DRAM1: variants seen among roughly 807,000 people sequenced by gnomAD.
The protein encoded by DRAM1 is DNA damage-regulated autophagy modulator protein 1.
In DRAM1, 25 loss-of-function variants were observed where a neutral mutation model predicts 28.5. The ratio of observed to expected loss-of-function variants is 0.88; its 90% CI spans 0.64 to 1.23. The LOEUF is 1.23. Among genes scored for constraint, DRAM1 ranks in the 50% most tolerant of loss-of-function variants. DRAM1 has a pLI of 0.00. For synonymous variants in DRAM1, 113 were observed against 114.2 expected, an observed-to-expected ratio of 0.99 and a Z score of 0.07; for missense variants, 249 against 299.2, an observed-to-expected ratio of 0.83 and a Z score of 1.24.
intron 2 of DRAM1, among the ~76,000 whole-genome samples, chr12:101,900,364 T>G (rs898789561): frequency 1.3e-5 from 2 of 152,142 alleles, no homozygotes; most frequent in Non-Finnish European, 2.9e-5. Flanking sequence ...AAATTAAAAC[T>G]TTCAAATGAT....
rs577185619 is a variant in DRAM1 at position 101,909,176 on chromosome 12, G to A, written c.520+813G>A. ...CTTGGGAGGCTGAGGCAGGAGAATC[G>A]CTTGAACCCGGGAGATGGAGGTTGC... On this transcript the variant is annotated intron_variant, in intron 4 of 6. Transcript: ENST00000258534. Among the ~76,000 whole-genome samples the A allele has an allele frequency of 5.3e-5, 8 of 151,980 alleles. No individual in the cohort carries two copies. In the East Asian group the frequency reaches 7.8e-4, roughly 15 times the overall value.
At chr12:101,904,382 C>T (rs1393327125) in intron 3 of DRAM1, among the ~76,000 whole-genome samples, 1 of 83,310 alleles carries the variant, frequency 1.2e-5, no homozygotes, top group Non-Finnish European at 2.0e-5. Flanking sequence ...TCAGTATTCA[C>T]ATATTCTTTT....
intron 1 of DRAM1, among the ~76,000 whole-genome samples, chr12:101,878,888 GT>G (rs1258098097): frequency 6.6e-6 from 1 of 151,492 alleles, no homozygotes; most frequent in East Asian, 1.9e-4. Context: ...AATGTTCTGT[GT>G]TTTTTTGTTT....
intron 4 of DRAM1, 93 bp downstream of exon 4, chr12:101,908,456 G>A (rs1343659854): frequency 7.7e-7 from 1 of 1,306,912 alleles, no homozygotes; most frequent in Non-Finnish European, 1.1e-6. Flanking sequence ...AGGGACCGCT[G>A]CAATGAGTTC....
intron 5 of DRAM1, among the ~76,000 whole-genome samples, chr12:101,917,025 A>G (rs1874270715): frequency 6.6e-6 from 1 of 152,274 alleles, no homozygotes; most frequent in African/African-American, 2.4e-5. Context: ...GACATTTTTC[A>G]AAGGCAAGGG....
At chr12:101,895,192 T>TTTTTTTTTGTTTTTTTTTTTG (rs1873307298) in intron 1 of DRAM1, among the ~76,000 whole-genome samples, 2 of 124,080 alleles carry the variant, frequency 1.6e-5, no homozygotes, top group Non-Finnish European at 3.3e-5. Context: ...TCAGGTTTTT[T>TTTTTTTTTGTTTTTTTTTTTG]TTTTTTTTTT....
At chr12:101,891,943 A>C (rs1409984939) in intron 1 of DRAM1, among the ~76,000 whole-genome samples, 1 of 152,196 alleles carries the variant, frequency 6.6e-6, no homozygotes, top group African/African-American at 2.4e-5. Flanking sequence ...AGGCCACCCA[A>C]ATACTACTAC....
intron 2 of DRAM1, among the ~76,000 whole-genome samples, chr12:101,898,400 T>TA (rs1873469027): frequency 1.3e-5 from 2 of 152,198 alleles, no homozygotes; most frequent in Admixed American, 1.3e-4. Context: ...TTAAAAGATA[T>TA]AAAAAATTAT....
chr12:101,905,693 G>A (rs1321269085), intron 3 of DRAM1, among the ~76,000 whole-genome samples: 1 of 150,330 alleles, frequency 6.7e-6, no homozygotes, highest in East Asian at 2.0e-4. Context: ...AAGCTCAAGT[G>A]ATTCTCCCAC....
At position 101,901,459 on chromosome 12, in the gene DRAM1, T is replaced by C. The variant is rs781423278; in HGVS notation, c.342+26T>C. ...GTATAATCTGGAGCTTTTTCAGTTA[T>C]GAGGAGTGGTGGAGTGTATGTGTCT... On this transcript the variant is annotated intron_variant, in intron 3 of 6. Coordinates refer to ENST00000258534, the MANE Select transcript of DRAM1 (RefSeq NM_018370.3). 8 of 1,611,972 alleles carry C rather than the reference T, an allele frequency of 5.0e-6. No homozygotes were observed. The East Asian group carries it at 1.8e-4, about 36-fold the overall frequency.
At chr12:101,901,464 A>C (rs1180057348) in intron 3 of DRAM1, 31 bp downstream of exon 3, 1 of 1,610,698 alleles carries the variant, frequency 6.2e-7, no homozygotes, top group Non-Finnish European at 8.5e-7. Context: ...AGTTATGAGG[A>C]GTGGTGGAGT....
At chr12:101,882,077 C>T (rs1333727177) in intron 1 of DRAM1, among the ~76,000 whole-genome samples, 2 of 145,910 alleles carry the variant, frequency 1.4e-5, no homozygotes, top group Non-Finnish European at 3.1e-5. Context: ...CTTTTACATT[C>T]TAACATTGTT....
At chr12:101,885,243 A>G (rs1237301708) in intron 1 of DRAM1, among the ~76,000 whole-genome samples, 1 of 152,174 alleles carries the variant, frequency 6.6e-6, no homozygotes, top group African/African-American at 2.4e-5. Context: ...CAATTTTATG[A>G]TTATATTATA....
At chr12:101,915,011 G>A (rs140923204) in intron 5 of DRAM1, among the ~76,000 whole-genome samples, 2,113 of 140,658 alleles carry the variant, frequency 0.015, 38 homozygotes, top group African/African-American at 0.054. Context: ...ACAGAGTCTC[G>A]TTCTGCCGCC....
chr12:101,907,199 C>CAAAAAAAA (rs397965756), intron 3 of DRAM1, among the ~76,000 whole-genome samples: 3 of 85,144 alleles, frequency 3.5e-5, no homozygotes, highest in East Asian at 3.2e-4. Context: ...GACCCTGTCT[C>CAAAAAAAA]AAAAAAAAAA....
chr12:101,901,150 A>T, intron 2 of DRAM1, 141 bp from the exon 3 acceptor site: 1 of 710,418 alleles, frequency 1.4e-6, no homozygotes, highest in South Asian at 1.9e-5. Flanking sequence ...AGAGAGTAAG[A>T]TGGAGTCAGG....
intron 1 of DRAM1, among the ~76,000 whole-genome samples, chr12:101,893,713 C>T (rs56408914): frequency 1.6e-3 from 239 of 151,986 alleles, no homozygotes; most frequent in African/African-American, 5.4e-3. Flanking sequence ...ATGGTAAGCA[C>T]CTAATGGTGC....
At chr12:101,912,114 G>A (rs1248138128) in intron 4 of DRAM1, among the ~76,000 whole-genome samples, 1 of 152,142 alleles carries the variant, frequency 6.6e-6, no homozygotes. Context: ...CAGGAGAATC[G>A]CTTGAACCCA....
intron 1 of DRAM1, among the ~76,000 whole-genome samples, chr12:101,896,570 C>G (rs1873381400): frequency 6.6e-6 from 1 of 151,856 alleles, no homozygotes; most frequent in East Asian, 1.9e-4. Flanking sequence ...TCAAAACCAG[C>G]CTGGGTAACA....
Sources: allele counts gnomAD v4.1 joint callset (sites outside exome capture counted in the v4.1 genomes callset), GRCh38; gene constraint gnomAD v4.1.1; transcripts MANE v1.5; gene names NCBI Gene and HGNC (gene_info 2026-07-23, HGNC 2026-07-21).